The following PDE4A variants were observed in gnomAD, a reference collection of about 807,000 sequenced individuals.
The protein encoded by PDE4A is phosphodiesterase 4A, also known as 3',5'-cyclic-AMP phosphodiesterase 4A.
Under a neutral mutation model 73.9 loss-of-function variants are expected in PDE4A, and 21 were observed. That is an observed-to-expected ratio of 0.28 (90% CI 0.20 to 0.41). The LOEUF (loss-of-function observed/expected upper bound fraction) is 0.41. Ranked by LOEUF, PDE4A falls within the 10% of genes least tolerant of loss-of-function variation. The pLI is 1.00. For missense variants in PDE4A, 958 were observed against 1,211.4 expected (o/e 0.79, Z 3.10); for synonymous variants, 463 against 505.4 (o/e 0.92, Z 1.13).
At chr19:10,432,696 G>C in intron 1 of PDE4A, 2 of 894,216 alleles carry the variant, frequency 2.2e-6, no homozygotes, top group South Asian at 1.8e-5. Context: ...TCTGGCTGGG[G>C]CCCCACCCCC....
Position 10,461,872 on chromosome 19 carries a change from C to T in PDE4A, c.1621-5C>T, listed in dbSNP as rs200078603. On this transcript the variant is annotated splice_polypyrimidine_tract_variant and splice_region_variant and intron_variant, in intron 12 of 14. Transcript: ENST00000380702. The stretch of plus-strand genomic sequence containing the variant: ...GCGGCCCCAGTGACGCCCCCTTGCC[C>T]GCAGGTGCTGGCCACGGACATGTCC... The T allele has an allele frequency of 5.6e-6, 9 of 1,612,090 alleles. No homozygotes were observed. Among genetic ancestry groups the T allele is most frequent in the Non-Finnish European group, 7.6e-6 (9 of 1,179,076 alleles).
chr19:10,450,207 T>C (rs1311990397), intron 4 of PDE4A, among the ~76,000 whole-genome samples: 2 of 152,176 alleles, frequency 1.3e-5, no homozygotes, highest in African/African-American at 4.8e-5. Context: ...CCTGCGTACA[T>C]AGGAGTGGAT....
chr19:10,462,380 G>A (rs988158884), intron 13 of PDE4A, among the ~76,000 whole-genome samples: 1 of 151,814 alleles, frequency 6.6e-6, no homozygotes, highest in Non-Finnish European at 1.5e-5. Context: ...TCGAACTCCC[G>A]ACCTCAGGTG....
At chr19:10,421,302 G>A in intron 1 of PDE4A, 1 of 985,440 alleles carries the variant, frequency 1.0e-6, no homozygotes, top group Non-Finnish European at 1.2e-6. Context: ...CCATTTAGGG[G>A]GCGCCACGCT....
intron 1 of PDE4A, among the ~76,000 whole-genome samples, chr19:10,434,889 CT>C (rs377462932): frequency 5.7e-3 from 606 of 107,214 alleles, no homozygotes; most frequent in Middle Eastern, 0.023. Context: ...CTGTGCCCAG[CT>C]TTTTTTTTTT....
intron 1 of PDE4A, among the ~76,000 whole-genome samples, chr19:10,441,494 C>A (rs1215200960): frequency 6.6e-6 from 1 of 151,906 alleles, no homozygotes; most frequent in Non-Finnish European, 1.5e-5. Flanking sequence ...TGGTCTCAAG[C>A]CATCCTTCCA....
chr19:10,453,134 C>T lies in PDE4A; in HGVS notation c.784-1695C>T, dbSNP rs989964392. ...GAGCCCCCAGCCCTGCTGGGCCGGC[C>T]CAGGCCCCTCCGCGGCTCCCCCTTC... On this transcript the variant is annotated intron_variant, in intron 6 of 14. Transcript: ENST00000380702. The surrounding 1 kb of genome is among the most constrained non-coding windows in gnomAD (Gnocchi z 4.6). The T allele has an allele frequency of 1.1e-4, 153 of 1,422,490 alleles. 1 individual carries two copies. The highest frequency in any genetic ancestry group is 2.5e-4 in the Middle Eastern group (1 of 4,028). The allele number at this position is 1,422,490 out of a possible 1,614,324, so 88.1% of individuals were successfully genotyped here.
chr19:10,454,858 A>G lies in PDE4A; in HGVS notation c.813A>G (p.Thr271=). The stretch of plus-strand genomic sequence containing the variant: ...AAAGGATGTTGAACCGTGAGCTCAC[A>G]CACCTGTCAGAAATGAGCAGGTCCG... ...KFKRMLNREL[T]HLSEMSRSGN... is the part of the protein sequence containing the mutation. The change falls in exon 7 of 15, where the codon ACA becomes ACG. Residue 271 remains threonine, a synonymous_variant. Coordinates refer to ENST00000380702, the MANE Select transcript of PDE4A (RefSeq NM_001111307.2). 3.1e-6 allele frequency: 5 copies of G among 1,614,152 alleles called. No individual in the cohort carries two copies. Among genetic ancestry groups the G allele is most frequent in the Non-Finnish European group, 4.2e-6 (5 of 1,180,018 alleles).
chr19:10,442,579 G>A (rs766581368), intron 1 of PDE4A, among the ~76,000 whole-genome samples: 27 of 151,910 alleles, frequency 1.8e-4, no homozygotes, highest in Non-Finnish European at 3.4e-4. Flanking sequence ...TAGGCATAGC[G>A]TTTCATGTCT....
chr19:10,438,204 C>A (rs2042891213), intron 1 of PDE4A, among the ~76,000 whole-genome samples: 1 of 151,926 alleles, frequency 6.6e-6, no homozygotes, highest in African/African-American at 2.4e-5. Context: ...CCTTCGCCTC[C>A]CGGGTTCAAG....
Position 10,420,995 on chromosome 19 carries a change from C to T in PDE4A, c.231C>T (p.Pro77=). Residue 77 remains proline (P), a synonymous_variant, in exon 1 of 15, where the codon CCC becomes CCT. Coordinates refer to ENST00000380702, the MANE Select transcript of PDE4A (RefSeq NM_001111307.2). The surrounding 1 kb of genome is among the most constrained non-coding windows in gnomAD (Gnocchi z 6.0). The part of the protein sequence containing the change: ...RADAMDTSDR[P]GLRTTRMSWP... ...ATGCCATGGACACCAGCGACCGGCC[C>T]GGCCTGCGCACGACCCGCATGTCCT... 1 of 1,526,086 alleles carries T rather than the reference C, an allele frequency of 6.6e-7. No homozygotes were observed. 94.5% of individuals were successfully genotyped at this position (1,526,086 alleles called of 1,614,324 possible).
At chr19:10,463,038 C>T (rs548676160) in intron 13 of PDE4A, among the ~76,000 whole-genome samples, 103 of 150,640 alleles carry the variant, frequency 6.8e-4, no homozygotes, top group African/African-American at 2.3e-3. Flanking sequence ...CCTTTCCTTT[C>T]CTGTCCTGTC....
intron 14 of PDE4A, 45 bp downstream of exon 14, chr19:10,464,020 C>A (rs201442970): frequency 3.1e-4 from 494 of 1,610,246 alleles, no homozygotes; most frequent in Admixed American, 5.2e-4. Flanking sequence ...GTGAGTCTCC[C>A]CAGCCCATCT....
At chr19:10,437,387 G>A (rs1232184143) in intron 1 of PDE4A, among the ~76,000 whole-genome samples, 1 of 151,976 alleles carries the variant, frequency 6.6e-6, no homozygotes, top group Non-Finnish European at 1.5e-5. Context: ...CTCCCAAAGT[G>A]TTGGGATTAC....
chr19:10,419,738 G>C (rs541258214), upstream of PDE4A: 1 of 152,566 alleles, frequency 6.6e-6, no homozygotes, highest in East Asian at 1.9e-4. Context: ...GACAGAGGCC[G>C]AATCGCGTGC....
intron 1 of PDE4A, among the ~76,000 whole-genome samples, chr19:10,422,349 T>C (rs2042661996): frequency 6.6e-6 from 1 of 152,176 alleles, no homozygotes; most frequent in South Asian, 2.1e-4. Flanking sequence ...GCGTCGGTGC[T>C]CTGACATGTG....
chr19:10,430,506 G>A (rs2042772963), intron 1 of PDE4A, among the ~76,000 whole-genome samples: 1 of 152,050 alleles, frequency 6.6e-6, no homozygotes, highest in South Asian at 2.1e-4. Flanking sequence ...GTGGCTCCTG[G>A]GGCTTGTGGG....
intron 1 of PDE4A, chr19:10,432,647 TGA>T (rs2042811430): frequency 7.2e-7 from 1 of 1,382,208 alleles, no homozygotes; most frequent in African/African-American, 1.5e-5. Context: ...GTGGGGGTGC[TGA>T]GTCTACCTGG....
chr19:10,417,683 C>G, upstream of PDE4A: 1 of 1,595,480 alleles, frequency 6.3e-7, no homozygotes, highest in Non-Finnish European at 8.5e-7. Context: ...CCCCCGAATC[C>G]GACCGTGCCA....
Sources: allele counts gnomAD v4.1 joint callset (sites outside exome capture counted in the v4.1 genomes callset), GRCh38; gene constraint gnomAD v4.1.1; non-coding constraint Gnocchi (gnomAD v3.1); transcripts MANE v1.5; gene names NCBI Gene and HGNC (gene_info 2026-07-23, HGNC 2026-07-21).